The following GMDS variants were observed in gnomAD, a reference collection of about 807,000 sequenced individuals.
The protein encoded by GMDS is GDP-mannose 4,6-dehydratase, also known as GDP-mannose 4,6 dehydratase.
A neutral mutation model predicts 49.9 loss-of-function variants in GMDS; 20 were observed. That is an observed-to-expected ratio of 0.40 (90% CI 0.28 to 0.58). The LOEUF (loss-of-function observed/expected upper bound fraction) is 0.58. Among genes scored for constraint, GMDS ranks in the 20% least tolerant of loss-of-function variants. GMDS has a pLI of 0.42. For missense variants in GMDS, 362 were observed against 481.4 expected, an observed-to-expected ratio of 0.75 and a Z score of 2.32; for synonymous variants, 177 against 178.6, an observed-to-expected ratio of 0.99 and a Z score of 0.07.
intron 7 of GMDS, among the ~76,000 whole-genome samples, chr6:1,859,011 A>T (rs1400052471): frequency 1.3e-5 from 2 of 152,170 alleles, no homozygotes; most frequent in Non-Finnish European, 1.5e-5. Context: ...GCACACTGGC[A>T]GGATTCTCAG....
chr6:1,804,315 A>G lies in GMDS; in HGVS notation c.772-61729T>C, dbSNP rs552899306. On this transcript the variant is annotated intron_variant, in intron 7 of 10. Coordinates refer to ENST00000380815, the MANE Select transcript of GMDS (RefSeq NM_001500.4). ...TGTGCACACCAGCTTGGTTCTAAAG[A>G]GGCCGTGGAAGCCATGCATTTCCCG... 8.5e-5 allele frequency among the ~76,000 whole-genome samples: 13 copies of G among 152,362 alleles called. No homozygotes were observed. In the South Asian group the frequency reaches 2.7e-3, roughly 32 times the overall value.
intron 9 of GMDS, among the ~76,000 whole-genome samples, chr6:1,688,166 T>C (rs1452314578): frequency 6.6e-6 from 1 of 152,114 alleles, no homozygotes; most frequent in Non-Finnish European, 1.5e-5. Flanking sequence ...CGTTCGCTGA[T>C]GGATAAGTTG....
At chr6:2,185,077 A>G (rs1778719071) in intron 1 of GMDS, among the ~76,000 whole-genome samples, 1 of 152,258 alleles carries the variant, frequency 6.6e-6, no homozygotes, top group African/African-American at 2.4e-5. Flanking sequence ...CTATTGGTCA[A>G]GCCGACAAGG....
chr6:1,906,879 A>AAT (rs1760805394), intron 7 of GMDS, among the ~76,000 whole-genome samples: 1 of 152,112 alleles, frequency 6.6e-6, no homozygotes, highest in Admixed American at 6.5e-5. Flanking sequence ...TTCATTCCCT[A>AAT]ATAACACTTT....
chr6:2,170,734 G>A (rs1777959846), intron 1 of GMDS, among the ~76,000 whole-genome samples: 1 of 152,066 alleles, frequency 6.6e-6, no homozygotes, highest in South Asian at 2.1e-4. Flanking sequence ...GGTGGTTCAC[G>A]CCTGTAATCC....
intron 7 of GMDS, among the ~76,000 whole-genome samples, chr6:1,803,059 C>T (rs1381966111): frequency 6.6e-6 from 1 of 152,184 alleles, no homozygotes; most frequent in Non-Finnish European, 1.5e-5. Context: ...TATGTAGCTG[C>T]ATGTTCAATT....
At chr6:1,639,746 T>C (rs1372901565) in intron 9 of GMDS, among the ~76,000 whole-genome samples, 2 of 152,166 alleles carry the variant, frequency 1.3e-5, no homozygotes, top group Non-Finnish European at 2.9e-5. Flanking sequence ...GGTGTGGTGG[T>C]GCATGCCTGT....
chr6:1,837,786 A>T (rs989696741), intron 7 of GMDS, among the ~76,000 whole-genome samples: 1 of 152,180 alleles, frequency 6.6e-6, no homozygotes, highest in Non-Finnish European at 1.5e-5. Context: ...AAGACGCAGG[A>T]TGAATGGCTG....
chr6:2,119,387 CT>C (rs954447957), intron 2 of GMDS, among the ~76,000 whole-genome samples: 14 of 151,152 alleles, frequency 9.3e-5, no homozygotes, highest in African/African-American at 2.9e-4. Context: ...GCACTGGTTG[CT>C]TTTTTTTTAA....
chr6:2,125,626 G>C (rs1460325709), intron 1 of GMDS, among the ~76,000 whole-genome samples: 3 of 152,150 alleles, frequency 2.0e-5, no homozygotes, highest in Non-Finnish European at 4.4e-5. Context: ...CACTGGGGAA[G>C]GGGATAAGAT....
At chr6:2,011,839 CT>C (rs1159813811) in intron 4 of GMDS, among the ~76,000 whole-genome samples, 1 of 152,202 alleles carries the variant, frequency 6.6e-6, no homozygotes, top group African/African-American at 2.4e-5. Flanking sequence ...GGGAAAACCC[CT>C]GAGCCTAGAA....
intron 9 of GMDS, among the ~76,000 whole-genome samples, chr6:1,672,879 T>C (rs1437075216): frequency 6.6e-6 from 1 of 152,224 alleles, no homozygotes; most frequent in Non-Finnish European, 1.5e-5. Flanking sequence ...GTCACAGGGC[T>C]GGAATAAAGG....
intron 4 of GMDS, among the ~76,000 whole-genome samples, chr6:2,095,040 C>T (rs1773514959): frequency 6.6e-6 from 1 of 152,188 alleles, no homozygotes; most frequent in Non-Finnish European, 1.5e-5. Flanking sequence ...GCAGATGCCA[C>T]ACTCCCCCAA....
intron 7 of GMDS, among the ~76,000 whole-genome samples, chr6:1,775,517 C>G (rs921673987): frequency 7.9e-5 from 12 of 152,224 alleles, no homozygotes; most frequent in African/African-American, 2.9e-4. Context: ...GGCACTCTCA[C>G]TGGACATGAT....
intron 1 of GMDS, among the ~76,000 whole-genome samples, chr6:2,217,267 C>T (rs1315055715): frequency 6.6e-6 from 1 of 152,128 alleles, no homozygotes; most frequent in South Asian, 2.1e-4. Context: ...TGCTTAATTT[C>T]CCCTCACCTC....
chr6:2,202,425 A>G (rs887808394), intron 1 of GMDS, among the ~76,000 whole-genome samples: 9 of 118,972 alleles, frequency 7.6e-5, no homozygotes, highest in African/African-American at 2.5e-4. Flanking sequence ...ACTGCTGCCA[A>G]TTTCTTTCTA....
intron 7 of GMDS, among the ~76,000 whole-genome samples, chr6:1,802,984 A>G (rs1770009646): frequency 6.6e-6 from 1 of 152,208 alleles, no homozygotes; most frequent in African/African-American, 2.4e-5. Flanking sequence ...GAGCCACAAT[A>G]TTTAATAGCT....
At chr6:2,101,270 G>C (rs73716945) in intron 4 of GMDS, among the ~76,000 whole-genome samples, 1 of 150,504 alleles carries the variant, frequency 6.6e-6, no homozygotes, top group African/African-American at 2.4e-5. Flanking sequence ...AAAGTTCTTA[G>C]GAAATTCTTT....
intron 4 of GMDS, among the ~76,000 whole-genome samples, chr6:2,109,042 G>A (rs1647955019): frequency 6.6e-6 from 1 of 152,110 alleles, no homozygotes; most frequent in African/African-American, 2.4e-5. Flanking sequence ...CAATCATTTC[G>A]AACAGCAGCT....
Sources: gnomAD v4.1 joint callset for allele counts (sites outside exome capture counted in the v4.1 genomes callset) on GRCh38, gnomAD v4.1.1 for gene constraint, MANE v1.5 for transcripts, NCBI Gene and HGNC (gene_info 2026-07-23, HGNC 2026-07-21) for gene names.